The following LRRC36 variants were observed in gnomAD, a reference collection of about 807,000 sequenced individuals.
LRRC36 encodes the protein leucine rich repeat containing 36.
LRRC36 carries 62 observed loss-of-function variants against 81.1 expected under a neutral mutation model. The ratio of observed to expected loss-of-function variants is 0.76; its 90% CI spans 0.62 to 0.94. The LOEUF (loss-of-function observed/expected upper bound fraction) is 0.94. Among genes scored for constraint, LRRC36 ranks in the 40% least tolerant of loss-of-function variants. LRRC36 has a pLI of 0.00. For synonymous variants in LRRC36, 334 were observed against 348.6 expected, an observed-to-expected ratio of 0.96 and a Z score of 0.47; for missense variants, 761 against 881.7, an observed-to-expected ratio of 0.86 and a Z score of 1.73.
At chr16:67,337,751 A>C (rs1157691993) in intron 1 of LRRC36, among the ~76,000 whole-genome samples, 1 of 151,712 alleles carries the variant, frequency 6.6e-6, no homozygotes, top group Non-Finnish European at 1.5e-5. Context: ...TCTAATTTAC[A>C]TTTTTCAGTT....
intron 5 of LRRC36, among the ~76,000 whole-genome samples, chr16:67,358,570 C>A (rs965248965): frequency 1.3e-5 from 2 of 149,552 alleles, no homozygotes; most frequent in African/African-American, 4.9e-5. Flanking sequence ...CCAGGCTGGT[C>A]TTGAACTCTT....
intron 1 of LRRC36, among the ~76,000 whole-genome samples, chr16:67,338,148 A>G (rs1162910649): frequency 1.3e-5 from 2 of 152,160 alleles, no homozygotes; most frequent in African/African-American, 4.8e-5. Context: ...ATCTACTAAT[A>G]TCTACCATAC....
chr16:67,367,929 C>A (rs1053664842), intron 8 of LRRC36, among the ~76,000 whole-genome samples: 7 of 152,082 alleles, frequency 4.6e-5, no homozygotes, highest in African/African-American at 1.7e-4. Flanking sequence ...TGGTGGCATG[C>A]GCCTGTAATC....
intron 1 of LRRC36, among the ~76,000 whole-genome samples, chr16:67,338,290 A>G (rs2037858256): frequency 6.6e-6 from 1 of 152,152 alleles, no homozygotes; most frequent in Non-Finnish European, 1.5e-5. Context: ...TAGTGAGGAA[A>G]GTATCACTGA....
intron 1 of LRRC36, among the ~76,000 whole-genome samples, chr16:67,339,850 A>T (rs2037945936): frequency 6.6e-6 from 1 of 151,972 alleles, no homozygotes; most frequent in Non-Finnish European, 1.5e-5. Context: ...TGACTATTTA[A>T]AGCTTATGGG....
At chr16:67,330,880 A>T (rs2037449560) in intron 1 of LRRC36, among the ~76,000 whole-genome samples, 1 of 152,028 alleles carries the variant, frequency 6.6e-6, no homozygotes, top group Non-Finnish European at 1.5e-5. Flanking sequence ...ATAAATAAAT[A>T]AATAAATGTC....
At chr16:67,362,311 C>T in intron 5 of LRRC36, 1 of 350,684 alleles carries the variant, frequency 2.9e-6, no homozygotes, top group Non-Finnish European at 5.6e-6. Context: ...TACAGGTGTG[C>T]ACCATAACGC....
chr16:67,367,224 C>A lies in LRRC36; in HGVS notation c.962C>A (p.Pro321His), dbSNP rs759102566. The A allele has an allele frequency of 3.1e-6, 5 of 1,614,118 alleles. No homozygotes were observed. The Admixed American group carries it at 6.7e-5, about 22-fold the overall frequency. Residue 321 changes from proline to histidine, a missense_variant, in exon 8 of 14, where the codon CCC (proline) becomes CAC (histidine). Around this residue, in one of 3 missense-constraint regions of LRRC36, gnomAD observed 139 missense variants for 214.0 expected, o/e 0.65. Transcript: ENST00000329956. ...LDVGDSSQIHPYQLPSDVGLE... is the reference protein window; with the variant it reads ...LDVGDSSQIHHYQLPSDVGLE... The stretch of plus-strand genomic sequence containing the variant: ...GTGGGTGATTCTAGCCAGATCCATC[C>A]CTATCAGTTACCTTCAGATGTTGGT...
chr16:67,328,406 G>A (rs1475948143), intron 1 of LRRC36, among the ~76,000 whole-genome samples: 1 of 152,064 alleles, frequency 6.6e-6, no homozygotes, highest in Admixed American at 6.6e-5. Flanking sequence ...CCAGCTACTC[G>A]GGAGGCTGAG....
chr16:67,359,151 C>A (rs2039037439), intron 5 of LRRC36, among the ~76,000 whole-genome samples: 1 of 152,102 alleles, frequency 6.6e-6, no homozygotes, highest in African/African-American at 2.4e-5. Flanking sequence ...TAAATTTGAT[C>A]CAGCAATTCC....
At chr16:67,359,671 A>G (rs1227025483) in intron 5 of LRRC36, among the ~76,000 whole-genome samples, 1 of 152,204 alleles carries the variant, frequency 6.6e-6, no homozygotes, top group African/African-American at 2.4e-5. Flanking sequence ...ACAGTCATAG[A>G]GTGATTCTGT....
At chr16:67,340,173 AG>A (rs1372647543) in intron 1 of LRRC36, among the ~76,000 whole-genome samples, 1 of 152,094 alleles carries the variant, frequency 6.6e-6, no homozygotes, top group Non-Finnish European at 1.5e-5. Flanking sequence ...AATAAAATAA[AG>A]TTTATGGGAC....
chr16:67,371,052 CAAACAACG>C lies in LRRC36; in HGVS notation c.1305_1312del (p.Asn436CysfsTer64), dbSNP rs2039614940. The C allele has an allele frequency of 6.2e-7, 1 of 1,614,176 alleles. No individual in the cohort carries two copies. Among genetic ancestry groups the C allele is most frequent in the African/African-American group, 1.3e-5 (1 of 75,032 alleles). ...TTAACACCAGCACATGGTTCTGTCC[CAAACAACG>C]CTGTCCTGGGAAACAGGACAACTCC... On this transcript the variant is annotated frameshift_variant, in exon 9 of 14. Transcript: ENST00000329956. LOFTEE classifies it high-confidence loss of function.
At chr16:67,355,583 C>A (rs942490120) in intron 5 of LRRC36, among the ~76,000 whole-genome samples, 1 of 151,822 alleles carries the variant, frequency 6.6e-6, no homozygotes, top group East Asian at 1.9e-4. Flanking sequence ...ACTGTTTTAG[C>A]CGGGATGGTC....
In LRRC36 at chr16:67,342,020, C is replaced by T; in HGVS notation, c.134C>T (p.Ala45Val). 1 of 1,608,798 alleles carries T rather than the reference C, an allele frequency of 6.2e-7. No individual in the cohort carries two copies. The highest frequency in any genetic ancestry group is 2.2e-5 in the East Asian group (1 of 44,770). ...GGCAAAATCCATTCCATTGGTGATG[C>T]CTTCAGAAATTTTAAAAATCTCCGA... ...YAGKIHSIGDAFRNFKNLRSL... is the reference protein window; with the variant it reads ...YAGKIHSIGDVFRNFKNLRSL... The change falls in exon 2 of 14, where the codon GCC (alanine) becomes GTC (valine). Residue 45 changes from alanine to valine, a missense_variant. Transcript: ENST00000329956.
At chr16:67,363,770 AT>A in intron 6 of LRRC36, 56 bp downstream of exon 6, 1 of 1,564,102 alleles carries the variant, frequency 6.4e-7, no homozygotes, top group Admixed American at 1.8e-5. Context: ...AATACTGATA[AT>A]TCAGTGGGCT....
Position 67,367,202 on chromosome 16 carries a change from G to A in LRRC36, c.940G>A (p.Gly314Ser), listed in dbSNP as rs544699196. Residue 314 changes from glycine (G) to serine (S), a missense_variant, in exon 8 of 14, where the codon GGT becomes AGT. By Grantham distance (56) the Gly-to-Ser change is moderately conservative. Transcript: ENST00000329956. Reference sequence around the variant, plus strand: ...CTCATTGAGTAAATGCCTGGATGTGGGTGATTCTAGCCAGATCCATCCCTA... The same window carrying A: ...CTCATTGAGTAAATGCCTGGATGTGAGTGATTCTAGCCAGATCCATCCCTA... ...DASLSKCLDV[G>S]DSSQIHPYQL... 6.2e-7 allele frequency: 1 copy of A among 1,614,148 alleles called. No individual in the cohort carries two copies. The highest frequency in any genetic ancestry group is 1.3e-5 in the African/African-American group (1 of 75,014).
intron 12 of LRRC36, among the ~76,000 whole-genome samples, chr16:67,379,646 G>A (rs2040039048): frequency 6.6e-6 from 1 of 152,146 alleles, no homozygotes; most frequent in South Asian, 2.1e-4. Context: ...GAACCCAGGA[G>A]GCAGAGGTTG....
At chr16:67,327,169 G>A in intron 1 of LRRC36, 2 of 444,056 alleles carry the variant, frequency 4.5e-6, no homozygotes, top group Non-Finnish European at 7.8e-6. Flanking sequence ...AGAGAAGAGG[G>A]GAGTGTGAAG....
Sources: gnomAD v4.1 joint callset for allele counts (sites outside exome capture counted in the v4.1 genomes callset) on GRCh38, gnomAD v4.1.1 for gene constraint, gnomAD v4.1.1 regional missense constraint, MANE v1.5 for transcripts, NCBI Gene and HGNC (gene_info 2026-07-23, HGNC 2026-07-21) for gene names.